The following ITIH6 variants were observed in gnomAD, a reference collection of about 807,000 sequenced individuals.
ITIH6 encodes the protein inter-alpha-trypsin inhibitor heavy chain H6.
In ITIH6, 60 loss-of-function variants were observed where a neutral mutation model predicts 58.2. The ratio of observed to expected loss-of-function variants is 1.03; its 90% CI spans 0.84 to 1.28. The LOEUF is 1.28. ITIH6 is among the 50% of genes most tolerant of loss of function. The probability of loss-of-function intolerance (pLI) is 0.00; values close to 1 mark genes in which losing one functional copy is unlikely to be tolerated. For synonymous variants in ITIH6, 493 were observed against 417.4 expected, an observed-to-expected ratio of 1.18 and a Z score of -2.21; for missense variants, 1,290 against 1,021.1, an observed-to-expected ratio of 1.26 and a Z score of -3.59.
At chrX:54,779,078 C>CA (rs982681533) in intron 5 of ITIH6, among the ~76,000 whole-genome samples, 6 of 111,834 alleles carry the variant, frequency 5.4e-5, no homozygotes, top group African/African-American at 1.6e-4. Context: ...GTTTCCCAGA[C>CA]AAAAAAGAGC....
chrX:54,766,812 T>C (rs1227823886), intron 6 of ITIH6, among the ~76,000 whole-genome samples: 4 of 102,717 alleles, frequency 3.9e-5, no homozygotes, highest in Admixed American at 1.0e-4. Flanking sequence ...TGAGGATTTT[T>C]GCATCAATGT....
intron 5 of ITIH6, among the ~76,000 whole-genome samples, chrX:54,779,295 G>T (rs1159069038): frequency 8.9e-6 from 1 of 112,147 alleles, no homozygotes; most frequent in Non-Finnish European, 1.9e-5. Context: ...TAGAAATACT[G>T]AATGATGACC....
chrX:54,790,656 G>A (rs1004522594), intron 4 of ITIH6, among the ~76,000 whole-genome samples, 181 bp downstream of exon 4: 2 of 111,596 alleles, frequency 1.8e-5, no homozygotes, highest in Admixed American at 1.9e-4. Flanking sequence ...GTAAGGACCA[G>A]GCCAAGGTTA....
chrX:54,790,582 ATT>A (rs373790987), intron 4 of ITIH6, among the ~76,000 whole-genome samples: 1 of 103,060 alleles, frequency 9.7e-6, no homozygotes. Context: ...CTTATCACTG[ATT>A]TTTTTTTTTT....
chrX:54,758,925 GC>G lies in ITIH6; in HGVS notation c.1148del (p.Gly383AlafsTer13), dbSNP rs1569543921. On this transcript the variant is annotated frameshift_variant, in exon 8 of 13. Transcript: ENST00000218436. LOFTEE classifies it high-confidence loss of function. The stretch of plus-strand genomic sequence containing the variant: ...TAAGAGGGATCCTCCCCACACTGGG[GC>G]CCCTCCCAGGCTCCTGGTTGCTATG... ...LNHSNQEPGR[G>X]PSVGRIPLII... 6.6e-6 allele frequency: 8 copies of G among 1,205,537 alleles called. No homozygotes were observed. Among genetic ancestry groups the G allele is most frequent in the Non-Finnish European group, 7.8e-6 (7 of 892,269 alleles).
chrX:54,782,287 A>G (rs1470432057), intron 5 of ITIH6, among the ~76,000 whole-genome samples: 2 of 111,278 alleles, frequency 1.8e-5, no homozygotes, highest in Admixed American at 1.9e-4. Flanking sequence ...GTGGTGGTGC[A>G]TGCCTGTAAT....
At chrX:54,759,987 A>G in intron 6 of ITIH6, 60 bp from the exon 7 acceptor site, 1 of 970,123 alleles carries the variant, frequency 1.0e-6, no homozygotes, top group Non-Finnish European at 1.4e-6. Context: ...TGAGATTGAA[A>G]GGCTTTTTCT....
intron 6 of ITIH6, 89 bp from the exon 7 acceptor site, chrX:54,760,016 T>C (rs1412847438): frequency 2.8e-6 from 2 of 724,998 alleles, no homozygotes; most frequent in African/African-American, 4.3e-5. Flanking sequence ...CATTAACATC[T>C]AAGTGTTATA....
chrX:54,776,290 A>C (rs1179880584), intron 5 of ITIH6, among the ~76,000 whole-genome samples: 1 of 111,127 alleles, frequency 9.0e-6, no homozygotes, highest in Non-Finnish European at 1.9e-5. Context: ...AGCTGTTGGC[A>C]CTTGAGTTCC....
chrX:54,766,885 A>G (rs1054012652), intron 6 of ITIH6, among the ~76,000 whole-genome samples: 8 of 106,498 alleles, frequency 7.5e-5, no homozygotes, highest in African/African-American at 2.5e-4. Flanking sequence ...CTTTGGTATC[A>G]GAATGATGCT....
chrX:54,784,521 A>G lies in ITIH6; in HGVS notation c.786+3959T>C, dbSNP rs146159170. On this transcript the variant is annotated intron_variant, in intron 5 of 12. Coordinates refer to ENST00000218436, the MANE Select transcript of ITIH6 (RefSeq NM_198510.3). The stretch of plus-strand genomic sequence containing the variant: ...AAAAAATCTAAAAATCCAATCAAAA[A>G]AGGGCAAAAGATTTGAATAGATATT... 9.9e-4 allele frequency among the ~76,000 whole-genome samples: 111 copies of G among 112,205 alleles called. 1 individual carries two copies. The highest frequency in any genetic ancestry group is 8.1e-3 in the East Asian group (29 of 3,586).
rs1928523436 is a variant in ITIH6 at position 54,757,614 on chromosome X, G to A, written c.2460C>T (p.Tyr820=). Reference sequence around the variant, plus strand: ...GAACCCTAGGTCTGGTGTGTAGTGGGTACTTGGGAACCTGAAGTGTAGAGA... The same window carrying A: ...GAACCCTAGGTCTGGTGTGTAGTGGATACTTGGGAACCTGAAGTGTAGAGA... ...PGVSTLQVPK[Y]PLHTRPRVPA... The change falls in exon 8 of 13, where the codon TAC becomes TAT. Residue 820 remains tyrosine (Y), a synonymous_variant. Coordinates refer to ENST00000218436, the MANE Select transcript of ITIH6 (RefSeq NM_198510.3). 3 of 1,211,041 alleles carry A rather than the reference G, an allele frequency of 2.5e-6. No homozygotes were observed. In the East Asian group the frequency reaches 8.9e-5, roughly 36 times the overall value.
At chrX:54,795,299 T>A (rs761030850) in intron 2 of ITIH6, among the ~76,000 whole-genome samples, 120 of 112,636 alleles carry the variant, frequency 1.1e-3, no homozygotes, top group Admixed American at 3.5e-3. Flanking sequence ...ATTTTAGGGC[T>A]TTTTCCTTAT....
chrX:54,754,998 A>G lies in ITIH6; in HGVS notation c.3202+19T>C, dbSNP rs1928457062. On this transcript the variant is annotated intron_variant, in intron 9 of 12. Coordinates refer to ENST00000218436, the MANE Select transcript of ITIH6 (RefSeq NM_198510.3). Reference sequence around the variant, plus strand: ...AATGAAGGCCCAGGGGATCTTTGTCAGGAGAGCTCCTTGCTCACCTTTTGC... The same window carrying G: ...AATGAAGGCCCAGGGGATCTTTGTCGGGAGAGCTCCTTGCTCACCTTTTGC... The G allele has an allele frequency of 8.6e-7, 1 of 1,158,098 alleles. No homozygotes were observed. The highest frequency in any genetic ancestry group is 2.2e-5 in the Admixed American group (1 of 45,218).
intron 5 of ITIH6, among the ~76,000 whole-genome samples, chrX:54,788,056 C>A (rs1208059642): frequency 9.0e-6 from 1 of 111,366 alleles, no homozygotes; most frequent in East Asian, 2.8e-4. Flanking sequence ...TCTGTTTAGG[C>A]AGATGGCTCC....
chrX:54,762,506 T>C (rs1264759623), intron 6 of ITIH6, among the ~76,000 whole-genome samples: 1 of 111,872 alleles, frequency 8.9e-6, no homozygotes, highest in Non-Finnish European at 1.9e-5. Context: ...CCTAGAAAAC[T>C]CAGGTTCCAG....
chrX:54,782,338 C>T (rs1003469170), intron 5 of ITIH6, among the ~76,000 whole-genome samples: 5 of 111,460 alleles, frequency 4.5e-5, no homozygotes, highest in African/African-American at 9.8e-5. Flanking sequence ...ATCGCTTGAA[C>T]GCAGGAGACC....
At chrX:54,756,841 C>T in intron 8 of ITIH6, 124 bp downstream of exon 8, 2 of 449,798 alleles carry the variant, frequency 4.4e-6, no homozygotes, top group Non-Finnish European at 7.2e-6. Flanking sequence ...AGCAAGCAAG[C>T]AAGCAAGCAA....
At chrX:54,750,433 T>G (rs1928329791) in intron 12 of ITIH6, among the ~76,000 whole-genome samples, 1 of 111,214 alleles carries the variant, frequency 9.0e-6, no homozygotes, top group African/African-American at 3.3e-5. Context: ...TTTAACCCAC[T>G]GTCACTCTTT....
Sources: gnomAD v4.1 joint callset for allele counts (sites outside exome capture counted in the v4.1 genomes callset) on GRCh38, gnomAD v4.1.1 for gene constraint, MANE v1.5 for transcripts, NCBI Gene and HGNC (gene_info 2026-07-23, HGNC 2026-07-21) for gene names.